DMXL1: variants seen among roughly 807,000 people sequenced by gnomAD.
The protein encoded by DMXL1 is Dmx like 1.
DMXL1 carries 99 observed loss-of-function variants against 319.2 expected under a neutral mutation model. The ratio of observed to expected loss-of-function variants is 0.31; its 90% CI spans 0.26 to 0.37. The LOEUF is 0.37. Among genes scored for constraint, DMXL1 ranks in the 10% least tolerant of loss-of-function variants. The pLI, the probability that DMXL1 is intolerant of heterozygous loss-of-function variation, is 1.00. For missense variants in DMXL1, 3,745 were observed against 3,595.6 expected (o/e 1.04, Z -1.06); for synonymous variants, 1,385 against 1,235.2 (o/e 1.12, Z -2.54).
chr5:119,148,624 T>G (rs1769101481), intron 17 of DMXL1, 115 bp from the exon 18 acceptor site: 1 of 1,025,794 alleles, frequency 9.7e-7, no homozygotes, highest in Non-Finnish European at 1.4e-6. Flanking sequence ...AAGATGCCCC[T>G]TTGATTTTGT....
chr5:119,187,024 T>C (rs1209320642), intron 28 of DMXL1, among the ~76,000 whole-genome samples: 1 of 152,016 alleles, frequency 6.6e-6, no homozygotes, highest in Non-Finnish European at 1.5e-5. Flanking sequence ...TGTATACTTA[T>C]GTAACAAACC....
At chr5:119,128,793 C>T (rs534010851) in intron 9 of DMXL1, among the ~76,000 whole-genome samples, 82 of 152,210 alleles carry the variant, frequency 5.4e-4, no homozygotes, top group African/African-American at 1.9e-3. Flanking sequence ...AGGCCAGGCA[C>T]GGTGGCTCAC....
chr5:119,172,169 G>C (rs1455379843), intron 25 of DMXL1, among the ~76,000 whole-genome samples, 200 bp downstream of exon 25: 1 of 152,018 alleles, frequency 6.6e-6, no homozygotes. Flanking sequence ...CTTACACCCG[G>C]TAGAGTTCTT....
At chr5:119,231,621 A>G (rs1786743514) in intron 38 of DMXL1, among the ~76,000 whole-genome samples, 1 of 152,210 alleles carries the variant, frequency 6.6e-6, no homozygotes, top group Non-Finnish European at 1.5e-5. Flanking sequence ...GGTACATTAA[A>G]AATTTAATGA....
intron 17 of DMXL1, among the ~76,000 whole-genome samples, chr5:119,147,951 C>T (rs1768954150): frequency 6.6e-6 from 1 of 152,218 alleles, no homozygotes; most frequent in Non-Finnish European, 1.5e-5. Context: ...CCCAGGGTTA[C>T]TGAATCTCAG....
chr5:119,149,473 C>A lies in DMXL1; in HGVS notation c.3646C>A (p.Pro1216Thr), dbSNP rs1164633101. The A allele has an allele frequency of 2.5e-6, 4 of 1,613,958 alleles. No homozygotes were observed. The highest frequency in any genetic ancestry group is 3.4e-6 in the Non-Finnish European group (4 of 1,179,896). ...TTCTGTAGATGGCTCCCCACCTTTT[C>A]CTGTTTCTTTATCGTGGGTCCGGGA... ...VSSVDGSPPF[P>T]VSLSWVRDGI... is the part of the protein sequence containing the mutation. The change falls in exon 18 of 44, where the codon CCT (proline) becomes ACT (threonine). Residue 1216 changes from proline (P) to threonine (T), a missense_variant. Transcript: ENST00000539542.
rs1274537677 is a variant in DMXL1, at chr5:119,189,873, A to G, written c.7301A>G (p.Tyr2434Cys). ...CCACCTGAGCTCAGTATCTGGGACT[A>G]TTTCATAGCTAAGGTAATTAAAATG... ...FIPPELSIWD[Y>C]FIAKPFLPSS... Residue 2434 changes from tyrosine to cysteine, a missense_variant, in exon 29 of 44, where the codon TAT becomes TGT. Physicochemically the swap from Tyr to Cys is radical, Grantham distance 194 (BLOSUM62 -2). Transcript: ENST00000539542. The G allele has an allele frequency of 3.7e-6, 6 of 1,613,452 alleles. No individual in the cohort carries two copies. The highest frequency in any genetic ancestry group is 1.6e-4 in the Middle Eastern group (1 of 6,078).
chr5:119,091,947 A>G (rs1215262857), intron 1 of DMXL1, among the ~76,000 whole-genome samples: 1 of 152,124 alleles, frequency 6.6e-6, no homozygotes, highest in East Asian at 1.9e-4. Context: ...TTCTTTAGGC[A>G]CTTGTGATGC....
chr5:119,244,367 T>C lies in DMXL1; in HGVS notation c.8713T>C (p.Cys2905Arg). Residue 2905 changes from cysteine (C) to arginine (R), a missense_variant, in exon 43 of 44, where the codon TGC becomes CGC. Transcript: ENST00000539542. Reference protein sequence around the residue: ...PANSLVHAFTCHDSGATVLAY... With the variant: ...PANSLVHAFTRHDSGATVLAY... The stretch of plus-strand genomic sequence containing the variant: ...TTTTAATTTACTTTCAGCATTTACC[T>C]GCCATGACAGTGGAGCCACAGTTTT... 1.2e-6 allele frequency: 2 copies of C among 1,612,152 alleles called. No individual in the cohort carries two copies. Among genetic ancestry groups the C allele is most frequent in the Non-Finnish European group, 1.7e-6 (2 of 1,178,810 alleles).
At chr5:119,183,035 G>A (rs1001572205) in intron 28 of DMXL1, among the ~76,000 whole-genome samples, 2 of 152,042 alleles carry the variant, frequency 1.3e-5, no homozygotes, top group East Asian at 1.9e-4. Context: ...TAAATTCATA[G>A]TAATGACTTT....
At chr5:119,121,582 G>C (rs1356082062) in intron 9 of DMXL1, among the ~76,000 whole-genome samples, 1 of 152,134 alleles carries the variant, frequency 6.6e-6, no homozygotes, top group Non-Finnish European at 1.5e-5. Context: ...ATGTTTCAGA[G>C]AGCACAGGGT....
intron 35 of DMXL1, among the ~76,000 whole-genome samples, chr5:119,218,345 C>CT (rs1421664626): frequency 6.6e-6 from 1 of 152,158 alleles, no homozygotes; most frequent in African/African-American, 2.4e-5. Flanking sequence ...TAATGAATAG[C>CT]TATTCACATA....
At chr5:119,111,811 T>G (rs1204655600) in intron 5 of DMXL1, among the ~76,000 whole-genome samples, 3 of 151,302 alleles carry the variant, frequency 2.0e-5, no homozygotes, top group Non-Finnish European at 4.4e-5. Context: ...TAACAAGATA[T>G]AGCACATATT....
At chr5:119,137,044 C>T (rs1381372009) in intron 13 of DMXL1, among the ~76,000 whole-genome samples, 1 of 152,240 alleles carries the variant, frequency 6.6e-6, no homozygotes. Flanking sequence ...AAGCCATAAG[C>T]ACTCAACACT....
intron 28 of DMXL1, among the ~76,000 whole-genome samples, chr5:119,186,641 A>C (rs1426362452): frequency 6.6e-6 from 1 of 152,236 alleles, no homozygotes; most frequent in Non-Finnish European, 1.5e-5. Context: ...GTGTGGTAAC[A>C]AGTCTAGCAG....
chr5:119,111,247 T>C (rs77356631), intron 5 of DMXL1, among the ~76,000 whole-genome samples: 3,267 of 152,292 alleles, frequency 0.021, 105 homozygotes, highest in African/African-American at 0.074. Flanking sequence ...AAATTTTATA[T>C]TTTAGAGCTA....
chr5:119,241,371 A>G (rs1461786585), intron 42 of DMXL1, among the ~76,000 whole-genome samples: 2 of 151,848 alleles, frequency 1.3e-5, no homozygotes, highest in African/African-American at 4.8e-5. Context: ...CTCTACTTAA[A>G]ATACCAAAAA....
In DMXL1 at chr5:119,098,041, C is replaced by T; in HGVS notation, c.150C>T (p.Ile50=). The change falls in exon 2 of 44, where the codon ATC becomes ATT. Residue 50 remains isoleucine (I), a synonymous_variant. Transcript: ENST00000539542. ...GCGATTTTGAAAGATTACAGATAAT[C>T]CCAGGAGCTAAACATGGAAATATTC... is the stretch of plus-strand genomic sequence containing the variant. ...LGSDFERLQI[I]PGAKHGNIQV... 8 of 1,608,888 alleles carry T rather than the reference C, an allele frequency of 5.0e-6. No individual in the cohort carries two copies. Among genetic ancestry groups the T allele is most frequent in the Non-Finnish European group, 6.8e-6 (8 of 1,178,430 alleles).
rs11740872 is a variant in DMXL1 at position 119,230,580 on chromosome 5, C to A, written c.8339-2760C>A. 2.0e-5 allele frequency among the ~76,000 whole-genome samples: 3 copies of A among 152,224 alleles called. 1 individual carries two copies. Among genetic ancestry groups the A allele is most frequent in the South Asian group, 4.1e-4 (2 of 4,830 alleles). Reference sequence around the variant, plus strand: ...CCAGATACAAAATATCAAACTCAGTCGTTTATAAAAAGGATATCTGGGCCG... The same window carrying A: ...CCAGATACAAAATATCAAACTCAGTAGTTTATAAAAAGGATATCTGGGCCG... On this transcript the variant is annotated intron_variant, in intron 38 of 43. Coordinates refer to ENST00000539542, the MANE Select transcript of DMXL1 (RefSeq NM_001290321.3).
Sources: gnomAD v4.1 joint callset for allele counts (sites outside exome capture counted in the v4.1 genomes callset) on GRCh38, gnomAD v4.1.1 for gene constraint, MANE v1.5 for transcripts, NCBI Gene and HGNC (gene_info 2026-07-23, HGNC 2026-07-21) for gene names.